C1QTNF3: variants seen among roughly 807,000 people sequenced by gnomAD.
C1QTNF3 encodes the protein complement C1q tumor necrosis factor-related protein 3.
A neutral mutation model predicts 32.6 loss-of-function variants in C1QTNF3; 26 were observed. That is an observed-to-expected ratio of 0.80 (90% CI 0.58 to 1.11). The LOEUF is 1.11. Among genes scored for constraint, C1QTNF3 ranks in the 50% least tolerant of loss-of-function variants. C1QTNF3 has a pLI of 0.00. For missense variants in C1QTNF3, 362 were observed against 398.2 expected (o/e 0.91, Z 0.77); for synonymous variants, 155 against 146.0 (o/e 1.06, Z -0.44).
the C1QTNF3 span, among the ~76,000 whole-genome samples, chr5:34,121,807 T>A: frequency 6.6e-6 from 1 of 152,130 alleles, no homozygotes; most frequent in African/African-American, 2.4e-5. Context: ...TGGAAAATGA[T>A]TAGGTCATCG....
the C1QTNF3 span, among the ~76,000 whole-genome samples, chr5:34,156,663 T>G: frequency 1.3e-5 from 2 of 152,176 alleles, no homozygotes; most frequent in Non-Finnish European, 2.9e-5. Flanking sequence ...ATTTAAGACA[T>G]ATGTCTTCAC....
the C1QTNF3 span, among the ~76,000 whole-genome samples, chr5:34,054,091 C>A: frequency 6.6e-6 from 1 of 152,276 alleles, no homozygotes; most frequent in South Asian, 2.1e-4. Context: ...CCTTTTGCTT[C>A]TGCACACTGC....
chr5:34,024,694 A>C (rs1177094631), intron 4 of C1QTNF3, among the ~76,000 whole-genome samples: 1 of 152,240 alleles, frequency 6.6e-6, no homozygotes, highest in Non-Finnish European at 1.5e-5. Context: ...TTTTAATAAG[A>C]GCCTAGGGCT....
At chr5:34,221,224 T>C in the C1QTNF3 span, among the ~76,000 whole-genome samples, 1 of 152,168 alleles carries the variant, frequency 6.6e-6, no homozygotes, top group Non-Finnish European at 1.5e-5. Context: ...TTTCTATTTA[T>C]GTCATTTCCT....
the C1QTNF3 span, among the ~76,000 whole-genome samples, chr5:34,131,864 AT>A: frequency 3.9e-5 from 6 of 152,248 alleles, no homozygotes; most frequent in African/African-American, 1.4e-4. Context: ...ATGTATCAAA[AT>A]ATCACTACAT....
At chr5:34,077,140 C>T in the C1QTNF3 span, among the ~76,000 whole-genome samples, 1 of 151,702 alleles carries the variant, frequency 6.6e-6, no homozygotes, top group Non-Finnish European at 1.5e-5. Flanking sequence ...GTAACAGTGA[C>T]TAACAATAAA....
At chr5:34,209,918 A>T in the C1QTNF3 span, among the ~76,000 whole-genome samples, 1 of 152,066 alleles carries the variant, frequency 6.6e-6, no homozygotes, top group East Asian at 1.9e-4. Flanking sequence ...AAATCTGCCA[A>T]TATGAATTGC....
At chr5:34,220,994 T>C in the C1QTNF3 span, among the ~76,000 whole-genome samples, 1 of 152,104 alleles carries the variant, frequency 6.6e-6, no homozygotes, top group Admixed American at 6.6e-5. Flanking sequence ...TGAGGCAAAC[T>C]TTGAAGGAGC....
chr5:34,113,811 T>C, the C1QTNF3 span, among the ~76,000 whole-genome samples: 3 of 152,136 alleles, frequency 2.0e-5, no homozygotes, highest in South Asian at 2.1e-4. Flanking sequence ...TCTCATTTCA[T>C]GTTTCTTAGT....
chr5:34,035,274 G>A (rs1185814202), intron 2 of C1QTNF3, among the ~76,000 whole-genome samples: 1 of 152,154 alleles, frequency 6.6e-6, no homozygotes, highest in African/African-American at 2.4e-5. Context: ...ACTGAGAGAC[G>A]GCTGAACATG....
At chr5:34,177,861 G>A in the C1QTNF3 span, among the ~76,000 whole-genome samples, 2 of 151,930 alleles carry the variant, frequency 1.3e-5, no homozygotes, top group African/African-American at 4.8e-5. Context: ...GGGCTCAAGA[G>A]ATCCTCTGAC....
chr5:34,136,146 A>C, the C1QTNF3 span, among the ~76,000 whole-genome samples: 1 of 152,224 alleles, frequency 6.6e-6, no homozygotes, highest in African/African-American at 2.4e-5. Flanking sequence ...AAAATTGACA[A>C]ATGGGATCTA....
At chr5:34,140,829 C>T in the C1QTNF3 span, among the ~76,000 whole-genome samples, 2 of 152,156 alleles carry the variant, frequency 1.3e-5, no homozygotes, top group Non-Finnish European at 2.9e-5. Context: ...ATTTGTAGCA[C>T]CCTAATAATG....
At chr5:34,223,438 G>T in the C1QTNF3 span, among the ~76,000 whole-genome samples, 1 of 147,098 alleles carries the variant, frequency 6.8e-6, no homozygotes, top group Non-Finnish European at 1.5e-5. Context: ...ATTTGGGTTG[G>T]TTCCAAGTCT....
At chr5:34,201,360 C>T in the C1QTNF3 span, among the ~76,000 whole-genome samples, 1 of 152,164 alleles carries the variant, frequency 6.6e-6, no homozygotes, top group Admixed American at 6.5e-5. Flanking sequence ...GTTTGTCATA[C>T]TTAGAAACCA....
chr5:34,222,341 A>G, the C1QTNF3 span, among the ~76,000 whole-genome samples: 1 of 151,986 alleles, frequency 6.6e-6, no homozygotes, highest in East Asian at 1.9e-4. Flanking sequence ...ATTTGGTTGA[A>G]TTTTTAGATT....
chr5:34,112,031 A>G, the C1QTNF3 span, among the ~76,000 whole-genome samples: 1 of 152,188 alleles, frequency 6.6e-6, no homozygotes, highest in Non-Finnish European at 1.5e-5. Context: ...AACATATTAT[A>G]TCTGATCTTT....
the C1QTNF3 span, among the ~76,000 whole-genome samples, chr5:34,056,503 G>T: frequency 5.7e-4 from 78 of 137,930 alleles, 1 homozygote; most frequent in East Asian, 6.6e-4. Flanking sequence ...GAGAGAGAGA[G>T]AGAGAGAGAG....
At chr5:34,236,133 T>C in the C1QTNF3 span, among the ~76,000 whole-genome samples, 4 of 152,314 alleles carry the variant, frequency 2.6e-5, no homozygotes, top group South Asian at 4.1e-4. Context: ...CTACTAATTT[T>C]CCACTATTTT....
Sources: gnomAD v4.1 joint callset for allele counts (sites outside exome capture counted in the v4.1 genomes callset) on GRCh38, gnomAD v4.1.1 for gene constraint, MANE v1.5 for transcripts, NCBI Gene and HGNC (gene_info 2026-07-23, HGNC 2026-07-21) for gene names.